Variants in EZR observed in about 807,000 individuals in gnomAD.
The protein encoded by EZR is ezrin, also known as cytovillin 2.
Under a neutral mutation model 74.8 loss-of-function variants are expected in EZR, and 40 were observed. The ratio of observed to expected loss-of-function variants is 0.53; its 90% CI spans 0.42 to 0.70. EZR has a LOEUF of 0.70. EZR is among the 30% of genes least tolerant of loss of function. The probability of loss-of-function intolerance (pLI) is 0.00; values close to 1 mark genes in which losing one functional copy is unlikely to be tolerated. For synonymous variants in EZR, 341 were observed against 283.3 expected, an observed-to-expected ratio of 1.20 and a Z score of -2.05; for missense variants, 678 against 755.8, an observed-to-expected ratio of 0.90 and a Z score of 1.21.
Position 158,785,422 on chromosome 6 carries a change from G to C in EZR, c.354C>G (p.Pro118=), listed in dbSNP as rs942501175. Residue 118 remains proline (P), a synonymous_variant, in exon 5 of 14, where the codon CCC becomes CCG. Coordinates refer to ENST00000367075, the MANE Select transcript of EZR (RefSeq NM_001111077.2). ...ACCCCAAGAGCACGGCAGTCTCAGG[G>C]GGGCAGTAGATCTCATCGCTAAGGA... ...EGILSDEIYC[P]PETAVLLGSY... is the part of the protein sequence containing the mutation. 6 of 1,614,182 alleles carry C rather than the reference G, an allele frequency of 3.7e-6. No homozygotes were observed. The highest frequency in any genetic ancestry group is 5.1e-6 in the Non-Finnish European group (6 of 1,180,028).
At chr6:158,818,841 C>T (rs939811846) in intron 1 of EZR, among the ~76,000 whole-genome samples, 1 of 48,538 alleles carries the variant, frequency 2.1e-5, no homozygotes, top group African/African-American at 8.3e-5. Flanking sequence ...AGAGGGGGCA[C>T]AGGGCGGGCG....
chr6:158,789,215 A>G, intron 3 of EZR, 73 bp downstream of exon 3: 1 of 1,171,074 alleles, frequency 8.5e-7, no homozygotes, highest in South Asian at 1.4e-5. Flanking sequence ...ATGCTTCGCA[A>G]ACAAAATAAC....
chr6:158,789,178 T>C lies in EZR; in HGVS notation c.96+110A>G, dbSNP rs1233741571. 5.5e-6 allele frequency: 4 copies of C among 730,636 alleles called. No individual in the cohort carries two copies. In the African/African-American group the frequency reaches 7.1e-5, roughly 13 times the overall value. 45.3% of individuals were successfully genotyped at this position (730,636 alleles called of 1,614,324 possible). A position where few individuals can be genotyped will look rare whatever the true frequency, so the allele number is the denominator to read the frequency against. ...CTTTTAAAAGATCCTTCTCATCTAT[T>C]ACCTCAAGTGAGTAAAACAAGGTAA... is the stretch of plus-strand genomic sequence containing the variant. On this transcript the variant is annotated intron_variant, in intron 3 of 13. Coordinates refer to ENST00000367075, the MANE Select transcript of EZR (RefSeq NM_001111077.2).
chr6:158,778,371 A>G (rs1791339459), intron 7 of EZR, among the ~76,000 whole-genome samples: 1 of 152,264 alleles, frequency 6.6e-6, no homozygotes, highest in Admixed American at 6.5e-5. Flanking sequence ...TTGAAACCTC[A>G]TATAACAATT....
chr6:158,808,546 A>G (rs1278831508), intron 2 of EZR, among the ~76,000 whole-genome samples: 1 of 152,232 alleles, frequency 6.6e-6, no homozygotes, highest in African/African-American at 2.4e-5. Flanking sequence ...AAAGCTTTTA[A>G]TCAGATTAGA....
chr6:158,770,972 T>G, intron 9 of EZR, 78 bp from the exon 10 acceptor site: 1 of 1,596,534 alleles, frequency 6.3e-7, no homozygotes, highest in Non-Finnish European at 8.6e-7. Context: ...TCACGGGTAC[T>G]TGAAGCTCCA....
chr6:158,787,757 T>C (rs1308517252), intron 3 of EZR, among the ~76,000 whole-genome samples: 1 of 152,246 alleles, frequency 6.6e-6, no homozygotes, highest in East Asian at 1.9e-4. Flanking sequence ...AAGGCAGACT[T>C]CTGGGACGGA....
Position 158,787,216 on chromosome 6 carries a change from G to GA in EZR, c.97-14dup. ...TAGTCTTTACCACCTGCGTGAGAGA[G>GA]AGAGAGGCTCAACACTCATGAGAAA... is the stretch of plus-strand genomic sequence containing the variant. On this transcript the variant is annotated splice_polypyrimidine_tract_variant and intron_variant, in intron 3 of 13. Transcript: ENST00000367075. The GA allele has an allele frequency of 6.8e-6, 11 of 1,608,030 alleles. No individual in the cohort carries two copies. The highest frequency in any genetic ancestry group is 8.5e-6 in the Non-Finnish European group (10 of 1,174,830).
intron 2 of EZR, among the ~76,000 whole-genome samples, chr6:158,805,337 G>GAAAAAAAAAAAAAAAAAAAAAAA: frequency 8.6e-6 from 1 of 116,892 alleles, no homozygotes; most frequent in Non-Finnish European, 1.7e-5. Context: ...TCCATCTCAG[G>GAAAAAAAAAAAAAAAAAAAAAAA]AAAAAAAAAA....
intron 7 of EZR, among the ~76,000 whole-genome samples, chr6:158,776,729 T>G (rs1791289908): frequency 6.6e-6 from 1 of 152,220 alleles, no homozygotes; most frequent in African/African-American, 2.4e-5. Flanking sequence ...TCCCATTTCC[T>G]TTGGTTTTTC....
intron 2 of EZR, among the ~76,000 whole-genome samples, chr6:158,814,386 G>C (rs1349756205): frequency 0.011 from 298 of 26,024 alleles, no homozygotes; most frequent in African/African-American, 0.069. Flanking sequence ...TTTTCCTCTC[G>C]ACGTTACCTA....
At chr6:158,783,464 A>G (rs1430756946) in intron 7 of EZR, 56 bp downstream of exon 7, 1 of 1,523,326 alleles carries the variant, frequency 6.6e-7, no homozygotes, top group Non-Finnish European at 8.9e-7. Flanking sequence ...CCATTTTGCC[A>G]TTGTTTCCAG....
Position 158,770,858 on chromosome 6 carries a change from G to A in EZR, c.996C>T (p.Thr332=), listed in dbSNP as rs183636404. 2.8e-5 allele frequency: 45 copies of A among 1,614,110 alleles called. No individual in the cohort carries two copies. The highest frequency in any genetic ancestry group is 1.2e-4 in the Admixed American group (7 of 60,012). Residue 332 remains threonine, a synonymous_variant, in exon 10 of 14, where the codon ACC becomes ACT. Transcript: ENST00000367075. ...TCATCTGCTCTTTCTCTCTCTCCAC[G>A]GTTTCTCTCCTTTTCTTCTCTGTTT... ...QLETEKKRRE[T]VEREKEQMMR...
chr6:158,802,676 C>A (rs1777212385), intron 2 of EZR, among the ~76,000 whole-genome samples: 1 of 152,154 alleles, frequency 6.6e-6, no homozygotes, highest in Admixed American at 6.5e-5. Context: ...GGATTATAGG[C>A]ATGTGCCACC....
At position 158,789,219 on chromosome 6, in the gene EZR, A is replaced by T. The variant is rs1199301594; in HGVS notation, c.96+69T>A. 9 of 1,204,414 alleles carry T rather than the reference A, an allele frequency of 7.5e-6. No individual in the cohort carries two copies. The Admixed American group carries it at 1.8e-4, about 24-fold the overall frequency. The allele number at this position is 1,204,414 out of a possible 1,614,324, so 74.6% of individuals were successfully genotyped here. A position where few individuals can be genotyped will look rare whatever the true frequency, so the allele number is the denominator to read the frequency against. On this transcript the variant is annotated intron_variant, in intron 3 of 13. Coordinates refer to ENST00000367075, the MANE Select transcript of EZR (RefSeq NM_001111077.2). Reference sequence around the variant, plus strand: ...AACAAGGTAATATGCTTCGCAAACAAAATAACTGAAATGTTGCAAAACAGT... The same window carrying T: ...AACAAGGTAATATGCTTCGCAAACATAATAACTGAAATGTTGCAAAACAGT...
intron 2 of EZR, among the ~76,000 whole-genome samples, chr6:158,814,337 C>T (rs1234938543): frequency 1.3e-5 from 2 of 152,130 alleles, no homozygotes; most frequent in Non-Finnish European, 2.9e-5. Context: ...ATACAGTCTG[C>T]CAATTTCCCC....
chr6:158,793,428 G>C (rs1314005203), intron 2 of EZR, among the ~76,000 whole-genome samples: 1 of 151,716 alleles, frequency 6.6e-6, no homozygotes, highest in African/African-American at 2.4e-5. Context: ...TCATACATAG[G>C]GCAGGCTCTA....
intron 2 of EZR, among the ~76,000 whole-genome samples, chr6:158,813,031 A>C (rs1394496182): frequency 6.6e-6 from 1 of 152,130 alleles, no homozygotes; most frequent in South Asian, 2.1e-4. Context: ...ATCACAGTCA[A>C]CTTTTCAAAA....
In EZR at chr6:158,766,552, G is replaced by C. The variant is rs1790856209; in HGVS notation, c.*362C>G. The C allele has an allele frequency of 1.4e-5, 3 of 212,242 alleles. No individual in the cohort carries two copies. Among genetic ancestry groups the C allele is most frequent in the Non-Finnish European group, 2.8e-5 (3 of 107,840 alleles). 13.1% of individuals were successfully genotyped at this position (212,242 alleles called of 1,614,324 possible). A position where few individuals can be genotyped will look rare whatever the true frequency, so the allele number is the denominator to read the frequency against. On this transcript the variant is annotated 3_prime_UTR_variant, in exon 14 of 14. Coordinates refer to ENST00000367075, the MANE Select transcript of EZR (RefSeq NM_001111077.2). The stretch of plus-strand genomic sequence containing the variant: ...ATACAGAACAAGTATGGCACAGATG[G>C]AAGTCCTGCCACGTTTCCTTTAATG...
Sources: gnomAD v4.1 joint callset for allele counts (sites outside exome capture counted in the v4.1 genomes callset) on GRCh38, gnomAD v4.1.1 for gene constraint, MANE v1.5 for transcripts, NCBI Gene and HGNC (gene_info 2026-07-23, HGNC 2026-07-21) for gene names.